RSF1: variants seen among roughly 807,000 people sequenced by gnomAD.
The protein encoded by RSF1 is HBV pX-associated protein 8.
RSF1 carries 13 observed loss-of-function variants against 145.2 expected under a neutral mutation model. That is an observed-to-expected ratio of 0.09 (90% CI 0.06 to 0.14). RSF1 has a LOEUF of 0.14. Among genes scored for constraint, RSF1 ranks in the 10% least tolerant of loss-of-function variants. The pLI is 1.00. For missense variants in RSF1, 1,517 were observed against 1,718.2 expected, an observed-to-expected ratio of 0.88 and a Z score of 2.07; for synonymous variants, 577 against 592.6, an observed-to-expected ratio of 0.97 and a Z score of 0.38.
chr11:77,807,787 G>C (rs28653530), intron 1 of RSF1, among the ~76,000 whole-genome samples: 35,662 of 152,018 alleles, frequency 0.23, 4,424 homozygotes, highest in East Asian at 0.4. Flanking sequence ...AGGGATTCAA[G>C]GGCTTCTAAT....
rs747054563 is a variant in RSF1 at position 77,698,705 on chromosome 11, T to TA, written c.2509-13dup. The TA allele has an allele frequency of 3.3e-5, 53 of 1,605,410 alleles. No individual in the cohort carries two copies. In the East Asian group the frequency reaches 6.0e-4, roughly 18 times the overall value. On this transcript the variant is annotated splice_polypyrimidine_tract_variant and intron_variant, in intron 6 of 15. Coordinates refer to ENST00000308488, the MANE Select transcript of RSF1 (RefSeq NM_016578.4). ...CCTTTGGGTTTTACCTTGTATAAAA[T>TA]AAAAAAAATTGGGATAATTTGATAT... is the stretch of plus-strand genomic sequence containing the variant.
intron 5 of RSF1, among the ~76,000 whole-genome samples, chr11:77,721,057 G>A (rs950206287): frequency 6.6e-6 from 1 of 152,088 alleles, no homozygotes; most frequent in South Asian, 2.1e-4. Flanking sequence ...TAAGATACAA[G>A]GCATGGCAAT....
chr11:77,736,711 A>G lies in RSF1; in HGVS notation c.578+4020T>C, dbSNP rs1381842099. On this transcript the variant is annotated intron_variant, in intron 4 of 15. Transcript: ENST00000308488. The stretch of plus-strand genomic sequence containing the variant: ...CTTATAATATGCATAAACACACCCA[A>G]CTGAAAATTTGACATAAATTACCAT... Among the ~76,000 whole-genome samples, 3 of 152,298 alleles carry G rather than the reference A, an allele frequency of 2.0e-5. No homozygotes were observed. In the East Asian group the frequency reaches 5.8e-4, roughly 29 times the overall value.
At chr11:77,787,176 G>A (rs1488883700) in intron 1 of RSF1, among the ~76,000 whole-genome samples, 2 of 152,132 alleles carry the variant, frequency 1.3e-5, no homozygotes, top group East Asian at 3.9e-4. Flanking sequence ...AAGAAATAAA[G>A]GGAATAGCAC....
chr11:77,871,581 G>A, the RSF1 span, among the ~76,000 whole-genome samples: 12 of 152,306 alleles, frequency 7.9e-5, no homozygotes, highest in African/African-American at 2.6e-4. Context: ...GTACATACAT[G>A]AGTCAATTTC....
intron 1 of RSF1, among the ~76,000 whole-genome samples, chr11:77,776,317 A>G (rs1279435471): frequency 1.3e-5 from 2 of 152,220 alleles, no homozygotes; most frequent in Non-Finnish European, 2.9e-5. Context: ...CATCAGTTAG[A>G]TGTTTCTTTT....
chr11:77,813,845 A>ACG (rs1555002882), intron 1 of RSF1: 4 of 205,008 alleles, frequency 2.0e-5, no homozygotes, highest in Non-Finnish European at 3.0e-5. Flanking sequence ...ACACACACAC[A>ACG]CACACACACA....
chr11:77,734,308 T>G lies in RSF1; in HGVS notation c.578+6423A>C, dbSNP rs1027870649. 1.7e-3 allele frequency among the ~76,000 whole-genome samples: 243 copies of G among 144,152 alleles called. 1 individual carries two copies. The highest frequency in any genetic ancestry group is 5.4e-3 in the African/African-American group (206 of 38,272). 94.6% of individuals were successfully genotyped at this position (144,152 alleles called of 152,430 possible). A position where few individuals can be genotyped will look rare whatever the true frequency, so the allele number is the denominator to read the frequency against. On this transcript the variant is annotated intron_variant, in intron 4 of 15. Coordinates refer to ENST00000308488, the MANE Select transcript of RSF1 (RefSeq NM_016578.4). ...TTTATATTATTATTATTACTTTTTTTGGGGGGGGGTACCAAATTTCTTCAT... is the reference window on the plus strand; with the variant it reads ...TTTATATTATTATTATTACTTTTTTGGGGGGGGGGTACCAAATTTCTTCAT...
chr11:77,754,174 G>A (rs1328210673), intron 2 of RSF1, among the ~76,000 whole-genome samples: 1 of 152,084 alleles, frequency 6.6e-6, no homozygotes, highest in Admixed American at 6.6e-5. Flanking sequence ...ATCCTATGAG[G>A]CAGTCAAACA....
chr11:77,669,363 C>T (rs562662592), intron 15 of RSF1, among the ~76,000 whole-genome samples: 112 of 152,290 alleles, frequency 7.4e-4, no homozygotes, highest in African/African-American at 2.6e-3. Flanking sequence ...CAGATCATAT[C>T]ACTCTTTTGC....
At chr11:77,687,563 C>T (rs1258971072) in intron 9 of RSF1, among the ~76,000 whole-genome samples, 4 of 151,826 alleles carry the variant, frequency 2.6e-5, no homozygotes, top group South Asian at 2.1e-4. Context: ...AAAAATTAGC[C>T]GGGTGTGGTG....
At chr11:77,698,766 C>T in intron 6 of RSF1, 73 bp from the exon 7 acceptor site, 1 of 1,256,442 alleles carries the variant, frequency 8.0e-7, no homozygotes, top group East Asian at 2.3e-5. Context: ...ATTACATGTC[C>T]ATTGTATAAT....
At chr11:77,753,899 T>C (rs911413486) in intron 2 of RSF1, among the ~76,000 whole-genome samples, 7 of 152,194 alleles carry the variant, frequency 4.6e-5, no homozygotes, top group African/African-American at 1.4e-4. Flanking sequence ...AACGACCAAG[T>C]ATGCAGGAAG....
intron 1 of RSF1, among the ~76,000 whole-genome samples, chr11:77,819,840 G>A (rs933079530): frequency 6.6e-5 from 10 of 152,098 alleles, no homozygotes; most frequent in Admixed American, 3.9e-4. Context: ...GAGCTGAACC[G>A]ACTTCGCCCC....
chr11:77,776,168 C>T (rs1948340166), intron 1 of RSF1, among the ~76,000 whole-genome samples: 1 of 152,072 alleles, frequency 6.6e-6, no homozygotes, highest in Admixed American at 6.5e-5. Flanking sequence ...TGAGTGATTG[C>T]ACCAACTGCA....
intron 1 of RSF1, among the ~76,000 whole-genome samples, chr11:77,783,582 C>G (rs1412714213): frequency 1.3e-5 from 2 of 152,136 alleles, no homozygotes; most frequent in Non-Finnish European, 2.9e-5. Flanking sequence ...TGGCTCACAC[C>G]TGTAATCCCA....
At chr11:77,792,071 C>A (rs547924603) in intron 1 of RSF1, among the ~76,000 whole-genome samples, 9 of 152,286 alleles carry the variant, frequency 5.9e-5, no homozygotes, top group Non-Finnish European at 1.3e-4. Context: ...AGGTTTATTG[C>A]ATTTGCAGTT....
rs1435481005 is a variant in RSF1, at chr11:77,701,332, T to C, written c.1897A>G (p.Asn633Asp). 1.9e-6 allele frequency: 3 copies of C among 1,614,060 alleles called. No homozygotes were observed. Among genetic ancestry groups the C allele is most frequent in the Admixed American group, 1.7e-5 (1 of 60,012 alleles). The change falls in exon 6 of 16, where the codon AAT (asparagine) becomes GAT (aspartate). Residue 633 changes from asparagine to aspartate, a missense_variant. This residue lies in a region of RSF1 where 579 missense variants were observed against 553.5 expected (regional missense o/e 1.05). Coordinates refer to ENST00000308488, the MANE Select transcript of RSF1 (RefSeq NM_016578.4). Reference protein sequence around the residue: ...PEAAETSPPSNIIDHCEKLAS... With the variant: ...PEAAETSPPSDIIDHCEKLAS... ...AGTTTCTCACAGTGGTCAATGATATTAGATGGTGGAGAAGTTTCAGCTGCC... is the reference window on the plus strand; with the variant it reads ...AGTTTCTCACAGTGGTCAATGATATCAGATGGTGGAGAAGTTTCAGCTGCC...
chr11:77,869,284 C>G, the RSF1 span: 1 of 170,926 alleles, frequency 5.9e-6, no homozygotes, highest in Non-Finnish European at 1.2e-5. Flanking sequence ...TGCCTTGTTT[C>G]CCGGATTTCG....
Sources: gnomAD v4.1 joint callset for allele counts (sites outside exome capture counted in the v4.1 genomes callset) on GRCh38, gnomAD v4.1.1 for gene constraint, gnomAD v4.1.1 regional missense constraint, MANE v1.5 for transcripts, NCBI Gene and HGNC (gene_info 2026-07-23, HGNC 2026-07-21) for gene names.